The following ENAH variants were observed in gnomAD, a reference collection of about 807,000 sequenced individuals.
ENAH encodes protein enabled homolog.
In ENAH, 23 loss-of-function variants were observed where a neutral mutation model predicts 78.7. The observed-to-expected ratio is 0.29, with a 90% confidence interval of 0.21 to 0.41. The LOEUF is 0.41. ENAH is among the 10% of genes least tolerant of loss of function. The pLI, the probability that ENAH is intolerant of heterozygous loss-of-function variation, is 1.00. For missense variants in ENAH, 544 were observed against 691.0 expected, an observed-to-expected ratio of 0.79 and a Z score of 2.39; for synonymous variants, 226 against 241.0, an observed-to-expected ratio of 0.94 and a Z score of 0.58.
At chr1:225,629,203 G>A (rs545968374) in intron 1 of ENAH, among the ~76,000 whole-genome samples, 115 of 152,168 alleles carry the variant, frequency 7.6e-4, no homozygotes, top group Admixed American at 1.7e-3. Context: ...GCTTGAATCC[G>A]GGAGGCAGAG....
chr1:225,497,490 A>C lies in ENAH; in HGVS notation c.*285T>G, dbSNP rs2096254964. 4.0e-6 allele frequency: 1 copy of C among 249,994 alleles called. No homozygotes were observed. The highest frequency in any genetic ancestry group is 5.2e-5 in the Admixed American group (1 of 19,270). The allele number at this position is 249,994 out of a possible 1,614,324, so 15.5% of individuals were successfully genotyped here. A position where few individuals can be genotyped will look rare whatever the true frequency, so the allele number is the denominator to read the frequency against. ...TTTCAATGCGTGGTGATCTTGCCTG[A>C]TGGGTTTTAGTATTTTCTGCATAAC... On this transcript the variant is annotated 3_prime_UTR_variant, in exon 14 of 14. Coordinates refer to ENST00000366843, the MANE Select transcript of ENAH (RefSeq NM_018212.6).
At position 225,489,488 on chromosome 1, in the gene ENAH, G is replaced by A. The variant is rs1254593598; in HGVS notation, c.*8287C>T. On this transcript the variant is annotated 3_prime_UTR_variant, in exon 14 of 14. Transcript: ENST00000366843. ...TGCTGTCCAGTGCAATAGCGTCTAT[G>A]ACTATAAAACAACTAAAAGCTGCAC... 6.6e-6 allele frequency: 1 copy of A among 152,086 alleles called. No homozygotes were observed. 9.4% of individuals were successfully genotyped at this position (152,086 alleles called of 1,614,324 possible). A position where few individuals can be genotyped will look rare whatever the true frequency, so the allele number is the denominator to read the frequency against.
intron 1 of ENAH, among the ~76,000 whole-genome samples, chr1:225,568,305 A>G (rs1253587602): frequency 2.0e-5 from 3 of 152,154 alleles, no homozygotes; most frequent in Non-Finnish European, 4.4e-5. Flanking sequence ...CCAAGGTGGG[A>G]GAATAACCTG....
At chr1:225,501,805 T>A (rs2151046234) in intron 11 of ENAH, among the ~76,000 whole-genome samples, 1 of 152,332 alleles carries the variant, frequency 6.6e-6, no homozygotes, top group East Asian at 1.9e-4. Context: ...TATTGCACTT[T>A]CAAAAGTTTA....
intron 2 of ENAH, among the ~76,000 whole-genome samples, chr1:225,558,815 A>G (rs915058024): frequency 6.6e-6 from 1 of 151,728 alleles, no homozygotes; most frequent in African/African-American, 2.4e-5. Context: ...TTGTATTTTT[A>G]GTAGAGACAG....
intron 3 of ENAH, among the ~76,000 whole-genome samples, chr1:225,540,439 G>A (rs1452085607): frequency 1.3e-5 from 2 of 151,664 alleles, no homozygotes; most frequent in Admixed American, 6.6e-5. Context: ...ACTTTTATAG[G>A]AGAAAAAAAG....
intron 10 of ENAH, among the ~76,000 whole-genome samples, chr1:225,509,440 C>T (rs1370459274): frequency 1.3e-5 from 2 of 152,158 alleles, no homozygotes; most frequent in Non-Finnish European, 2.9e-5. Flanking sequence ...CTTAAAAGGG[C>T]TCATCTGGTT....
At chr1:225,562,903 G>T (rs949084105) in intron 2 of ENAH, among the ~76,000 whole-genome samples, 3 of 151,304 alleles carry the variant, frequency 2.0e-5, no homozygotes, top group African/African-American at 7.3e-5. Context: ...AGCCCAGGAG[G>T]TCAAGGCTGC....
intron 1 of ENAH, among the ~76,000 whole-genome samples, chr1:225,600,178 A>G (rs529749778): frequency 9.2e-5 from 14 of 152,200 alleles, no homozygotes; most frequent in Admixed American, 3.3e-4. Context: ...TCTTTAGAGC[A>G]ACACAAAATG....
chr1:225,520,427 C>A (rs994648957), intron 4 of ENAH, among the ~76,000 whole-genome samples: 7 of 152,308 alleles, frequency 4.6e-5, no homozygotes, highest in Admixed American at 2.0e-4. Flanking sequence ...TATATATACA[C>A]ATACGCGCAC....
At chr1:225,503,738 A>C (rs2096303125) in intron 11 of ENAH, among the ~76,000 whole-genome samples, 1 of 151,724 alleles carries the variant, frequency 6.6e-6, no homozygotes, top group African/African-American at 2.4e-5. Context: ...TGGCTGACAA[A>C]ATTAACTTGT....
chr1:225,537,639 A>C (rs1371768674), intron 3 of ENAH, among the ~76,000 whole-genome samples: 2 of 152,174 alleles, frequency 1.3e-5, no homozygotes, highest in Admixed American at 6.5e-5. Context: ...TTTTCAGCAT[A>C]CTTTTTAACA....
At chr1:225,618,397 A>G (rs1466206932) in intron 1 of ENAH, among the ~76,000 whole-genome samples, 1 of 152,230 alleles carries the variant, frequency 6.6e-6, no homozygotes, top group Non-Finnish European at 1.5e-5. Context: ...TCATCCAGAT[A>G]CAAAATTGGC....
chr1:225,559,728 C>T (rs2096689955), intron 2 of ENAH, among the ~76,000 whole-genome samples: 1 of 152,130 alleles, frequency 6.6e-6, no homozygotes, highest in African/African-American at 2.4e-5. Context: ...CCTGGAGACA[C>T]AGAGAAATAA....
chr1:225,514,924 AGAC>A, intron 6 of ENAH, 24 bp from the exon 7 acceptor site: 1 of 1,589,294 alleles, frequency 6.3e-7, no homozygotes, highest in South Asian at 1.1e-5. Context: ...ATGTTAAGTA[AGAC>A]CATCAACAAT....
At chr1:225,648,061 G>C (rs1662298528) in intron 1 of ENAH, among the ~76,000 whole-genome samples, 1 of 152,182 alleles carries the variant, frequency 6.6e-6, no homozygotes, top group African/African-American at 2.4e-5. Context: ...TCCCAGGTCT[G>C]ACAAGGAGTC....
intron 1 of ENAH, among the ~76,000 whole-genome samples, chr1:225,642,167 C>A (rs1247447749): frequency 2.7e-5 from 4 of 148,618 alleles, no homozygotes; most frequent in Non-Finnish European, 5.9e-5. Flanking sequence ...CATGACTGCA[C>A]ACACTCCAGC....
At chr1:225,565,039 A>G (rs1022677208) in intron 2 of ENAH, among the ~76,000 whole-genome samples, 6 of 152,192 alleles carry the variant, frequency 3.9e-5, no homozygotes, top group Non-Finnish European at 7.4e-5. Context: ...AAATTTTTAA[A>G]TGTTTTAAGA....
At chr1:225,639,989 C>T (rs942944756) in intron 1 of ENAH, among the ~76,000 whole-genome samples, 5 of 152,136 alleles carry the variant, frequency 3.3e-5, no homozygotes, top group African/African-American at 1.2e-4. Context: ...TAAACAGTTA[C>T]TTGGAGCTGA....
Sources: allele counts gnomAD v4.1 joint callset (sites outside exome capture counted in the v4.1 genomes callset), GRCh38; gene constraint gnomAD v4.1.1; transcripts MANE v1.5; gene names NCBI Gene and HGNC (gene_info 2026-07-23, HGNC 2026-07-21).